The following KLF12 variants were observed in gnomAD, a reference collection of about 807,000 sequenced individuals.
KLF12 encodes the protein KLF transcription factor 12.
KLF12 carries 9 observed loss-of-function variants against 37.8 expected under a neutral mutation model. That is an observed-to-expected ratio of 0.24 (90% CI 0.14 to 0.42). KLF12 has a LOEUF of 0.42. KLF12 is among the 10% of genes least tolerant of loss of function. The probability of loss-of-function intolerance (pLI) is 1.00; values close to 1 mark genes in which losing one functional copy is unlikely to be tolerated. For missense variants in KLF12, 411 were observed against 516.0 expected (o/e 0.80, Z 1.97); for synonymous variants, 208 against 202.1 (o/e 1.03, Z -0.25).
At chr13:73,813,329 C>T in intron 4 of KLF12, 42 bp from the exon 5 acceptor site, 2 of 1,609,600 alleles carry the variant, frequency 1.2e-6, no homozygotes, top group African/African-American at 1.3e-5. Context: ...AATCAGTGCG[C>T]AGAAAGTTAA....
chr13:74,305,018 G>A, the KLF12 span, among the ~76,000 whole-genome samples: 1 of 152,068 alleles, frequency 6.6e-6, no homozygotes, highest in Non-Finnish European at 1.5e-5. Context: ...AACCATCTGG[G>A]TAGTTCAATC....
At chr13:74,168,581 T>C in the KLF12 span, among the ~76,000 whole-genome samples, 1 of 152,218 alleles carries the variant, frequency 6.6e-6, no homozygotes, top group South Asian at 2.1e-4. Flanking sequence ...TAGTGCTGGC[T>C]GAAAAGGCTG....
chr13:74,215,694 AT>A, the KLF12 span, among the ~76,000 whole-genome samples: 1 of 151,934 alleles, frequency 6.6e-6, no homozygotes, highest in Non-Finnish European at 1.5e-5. Context: ...CCTATTTGTC[AT>A]TTCGCTGCAC....
chr13:73,756,292 C>T (rs939221318), intron 6 of KLF12, among the ~76,000 whole-genome samples: 4 of 152,136 alleles, frequency 2.6e-5, no homozygotes, highest in Non-Finnish European at 5.9e-5. Flanking sequence ...TTCTGCCTAT[C>T]GTATATGTGA....
At chr13:74,247,591 G>T in the KLF12 span, among the ~76,000 whole-genome samples, 6 of 152,308 alleles carry the variant, frequency 3.9e-5, no homozygotes, top group Admixed American at 3.9e-4. Context: ...AAACCAAGGT[G>T]TAAGAAATTA....
chr13:74,136,807 T>C (rs539922622), upstream of KLF12, among the ~76,000 whole-genome samples: 15 of 150,660 alleles, frequency 1.0e-4, no homozygotes, highest in East Asian at 2.7e-3. Context: ...ACATCAAGCA[T>C]TGGGGGGAAA....
intron 1 of KLF12, among the ~76,000 whole-genome samples, chr13:74,131,433 G>T (rs1050856457): frequency 6.6e-6 from 1 of 152,138 alleles, no homozygotes; most frequent in South Asian, 2.1e-4. Context: ...CACACACATA[G>T]GCTGCAGCTG....
chr13:74,261,459 ATT>A, the KLF12 span, among the ~76,000 whole-genome samples: 1 of 152,170 alleles, frequency 6.6e-6, no homozygotes, highest in East Asian at 1.9e-4. Context: ...AGGAAATTTC[ATT>A]TTCCCATTCT....
chr13:74,133,660 G>A (rs1390844212), intron 1 of KLF12, among the ~76,000 whole-genome samples: 1 of 136,468 alleles, frequency 7.3e-6, no homozygotes, highest in Non-Finnish European at 1.6e-5. Flanking sequence ...AGAGAATACG[G>A]TCTGATTTGG....
At chr13:73,830,327 ACT>A (rs1477096434) in intron 4 of KLF12, among the ~76,000 whole-genome samples, 1 of 152,290 alleles carries the variant, frequency 6.6e-6, no homozygotes, top group Middle Eastern at 3.4e-3. Context: ...AAGATCTTTC[ACT>A]CTTTGATAAA....
chr13:74,282,495 G>A, the KLF12 span, among the ~76,000 whole-genome samples: 1 of 152,176 alleles, frequency 6.6e-6, no homozygotes, highest in Non-Finnish European at 1.5e-5. Context: ...AGAGGGTGAA[G>A]CATGTTAATG....
At chr13:74,098,102 T>C (rs1876086673) in intron 1 of KLF12, among the ~76,000 whole-genome samples, 1 of 152,124 alleles carries the variant, frequency 6.6e-6, no homozygotes, top group Non-Finnish European at 1.5e-5. Flanking sequence ...TCATTAACCT[T>C]CTCACAAAAT....
chr13:73,873,657 T>C (rs535099800), intron 3 of KLF12, among the ~76,000 whole-genome samples: 2 of 152,318 alleles, frequency 1.3e-5, no homozygotes, highest in Admixed American at 6.5e-5. Flanking sequence ...CTTAACTCTT[T>C]AGTGAACTAT....
intron 5 of KLF12, among the ~76,000 whole-genome samples, chr13:73,796,811 C>A (rs1423512932): frequency 3.3e-5 from 5 of 152,032 alleles, no homozygotes; most frequent in African/African-American, 7.2e-5. Context: ...AAAAACAATC[C>A]AAATGTCCAT....
At chr13:73,824,775 T>A (rs1883740314) in intron 4 of KLF12, among the ~76,000 whole-genome samples, 1 of 152,002 alleles carries the variant, frequency 6.6e-6, no homozygotes, top group Non-Finnish European at 1.5e-5. Flanking sequence ...AAATATAGAT[T>A]TCTAATTTCA....
chr13:73,975,440 C>T (rs959712368), intron 2 of KLF12, among the ~76,000 whole-genome samples: 2 of 152,164 alleles, frequency 1.3e-5, no homozygotes, highest in African/African-American at 2.4e-5. Context: ...GCCTCCTAAA[C>T]ATGCTCCAAA....
chr13:74,122,871 T>A (rs866053549), intron 1 of KLF12, among the ~76,000 whole-genome samples: 3 of 145,018 alleles, frequency 2.1e-5, no homozygotes, highest in Non-Finnish European at 4.5e-5. Flanking sequence ...AAAGGACACA[T>A]AATCGTGCTA....
At chr13:73,866,043 G>C (rs1159918302) in intron 3 of KLF12, among the ~76,000 whole-genome samples, 1 of 152,164 alleles carries the variant, frequency 6.6e-6, no homozygotes, top group Non-Finnish European at 1.5e-5. Flanking sequence ...ATCCCTTGAG[G>C]CCAGGAGTTT....
chr13:73,829,316 A>G (rs1884022499), intron 4 of KLF12, among the ~76,000 whole-genome samples: 1 of 152,226 alleles, frequency 6.6e-6, no homozygotes, highest in African/African-American at 2.4e-5. Context: ...GCCAAATTTT[A>G]TTTAGTTTTG....
Sources: allele counts gnomAD v4.1 joint callset (sites outside exome capture counted in the v4.1 genomes callset), GRCh38; gene constraint gnomAD v4.1.1; transcripts MANE v1.5; gene names NCBI Gene and HGNC (gene_info 2026-07-23, HGNC 2026-07-21).